FBRSL1: variants seen among roughly 807,000 people sequenced by gnomAD.
FBRSL1 encodes the protein fibrosin-1-like protein.
Under a neutral mutation model 89.6 loss-of-function variants are expected in FBRSL1, and 51 were observed. The observed-to-expected ratio is 0.57, with a 90% confidence interval of 0.45 to 0.72. The LOEUF (loss-of-function observed/expected upper bound fraction) is 0.72, where lower values mean the gene tolerates loss of function less well. FBRSL1 is among the 30% of genes least tolerant of loss of function. The pLI, the probability that FBRSL1 is intolerant of heterozygous loss-of-function variation, is 0.00. For synonymous variants in FBRSL1, 779 were observed against 681.1 expected, an observed-to-expected ratio of 1.14 and a Z score of -2.24; for missense variants, 1,618 against 1,451.8, an observed-to-expected ratio of 1.11 and a Z score of -1.86.
intron 4 of FBRSL1, among the ~76,000 whole-genome samples, chr12:132,528,927 G>A (rs1478122433): frequency 6.6e-6 from 1 of 152,174 alleles, no homozygotes; most frequent in Non-Finnish European, 1.5e-5. Context: ...TGGGAGGCTG[G>A]GCGCCGACCC....
chr12:132,512,099 GC>G, intron 2 of FBRSL1: 1 of 822,430 alleles, frequency 1.2e-6, no homozygotes. Flanking sequence ...TGACCTTCCT[GC>G]CCACCCATCT....
chr12:132,569,341 G>A (rs2039852487), intron 6 of FBRSL1, among the ~76,000 whole-genome samples: 2 of 152,168 alleles, frequency 1.3e-5, no homozygotes, highest in East Asian at 1.9e-4. Flanking sequence ...CACAGTAGGG[G>A]GAAGCCTCCC....
At chr12:132,510,487 C>G in intron 2 of FBRSL1, 2 of 1,231,968 alleles carry the variant, frequency 1.6e-6, no homozygotes, top group Non-Finnish European at 2.0e-6. Flanking sequence ...CCAGCCCACT[C>G]CAGTGTGATC....
chr12:132,541,402 G>A (rs1050847088), intron 4 of FBRSL1, among the ~76,000 whole-genome samples: 4 of 152,174 alleles, frequency 2.6e-5, no homozygotes, highest in Non-Finnish European at 5.9e-5. Context: ...CCCTGCCCAC[G>A]AGGGGCCAGC....
intron 2 of FBRSL1, among the ~76,000 whole-genome samples, chr12:132,512,956 G>A (rs1304070218): frequency 6.6e-6 from 1 of 152,214 alleles, no homozygotes; most frequent in African/African-American, 2.4e-5. Context: ...CGGTCGGGGT[G>A]CCGCCATGGG....
chr12:132,556,550 C>G (rs76616874), intron 5 of FBRSL1, among the ~76,000 whole-genome samples: 46 of 17,312 alleles, frequency 2.7e-3, no homozygotes, highest in Non-Finnish European at 4.2e-3. Flanking sequence ...GCTGCACCCC[C>G]CTCCACCCAC....
intron 2 of FBRSL1, among the ~76,000 whole-genome samples, chr12:132,523,106 C>T (rs2035503315): frequency 6.6e-6 from 1 of 152,102 alleles, no homozygotes. Flanking sequence ...CCCCCTCTGG[C>T]CCCAGACGTG....
intron 1 of FBRSL1, chr12:132,507,409 G>A (rs889390409): frequency 4.4e-5 from 43 of 985,498 alleles, no homozygotes; most frequent in Non-Finnish European, 4.7e-5. Context: ...GTGGTTTATC[G>A]AGTGTGGAGG....
intron 1 of FBRSL1, among the ~76,000 whole-genome samples, chr12:132,494,395 G>A (rs1205623949): frequency 6.6e-6 from 1 of 152,214 alleles, no homozygotes; most frequent in Admixed American, 6.5e-5. Context: ...ACATAGCAAA[G>A]GCCATCCTTA....
At chr12:132,566,781 G>A (rs925990002) in intron 5 of FBRSL1, among the ~76,000 whole-genome samples, 9 of 151,534 alleles carry the variant, frequency 5.9e-5, no homozygotes, top group African/African-American at 1.2e-4. Context: ...CACATAGCGC[G>A]GTGTCCTGTG....
chr12:132,560,917 C>T (rs1295062422), intron 5 of FBRSL1, among the ~76,000 whole-genome samples: 1 of 152,152 alleles, frequency 6.6e-6, no homozygotes, highest in Non-Finnish European at 1.5e-5. Context: ...CCTGGGGCTG[C>T]CACCCCATTT....
intron 4 of FBRSL1, among the ~76,000 whole-genome samples, chr12:132,529,436 A>C (rs527417263): frequency 2.0e-5 from 3 of 152,268 alleles, no homozygotes; most frequent in African/African-American, 7.2e-5. Context: ...GCTGGGTCAC[A>C]GCAGGGGCTC....
chr12:132,572,444 G>A (rs1036013137), intron 10 of FBRSL1, 83 bp from the exon 11 acceptor site: 12 of 1,501,286 alleles, frequency 8.0e-6, no homozygotes, highest in Non-Finnish European at 1.1e-5. Flanking sequence ...CGCCCCTGCT[G>A]CATTGGTGCC....
intron 1 of FBRSL1, among the ~76,000 whole-genome samples, chr12:132,498,919 C>G (rs1281306461): frequency 6.6e-6 from 1 of 152,224 alleles, no homozygotes; most frequent in African/African-American, 2.4e-5. Context: ...GCCGACAACC[C>G]CAGCCAGGTC....
intron 4 of FBRSL1, among the ~76,000 whole-genome samples, chr12:132,529,546 T>G (rs1295335248): frequency 6.6e-6 from 1 of 151,986 alleles, no homozygotes; most frequent in Non-Finnish European, 1.5e-5. Context: ...TCCTGGGCTC[T>G]TCTCTGCCAC....
Position 132,577,067 on chromosome 12 carries a change from TA to T in FBRSL1, c.1834+137del, listed in dbSNP as rs1411994013. 9 of 1,242,392 alleles carry T rather than the reference TA, an allele frequency of 7.2e-6. No individual in the cohort carries two copies. The African/African-American group carries it at 1.2e-4, about 17-fold the overall frequency. 77.0% of individuals were successfully genotyped at this position (1,242,392 alleles called of 1,614,324 possible). On this transcript the variant is annotated intron_variant, in intron 15 of 18. Transcript: ENST00000680143. ...CCTTTGCTTCTTGATGCTCACCACT[TA>T]TTCAGGTCAAAGCCTGGCAACTCCC...
chr12:132,513,246 C>T (rs1268923139), intron 2 of FBRSL1, among the ~76,000 whole-genome samples: 1 of 152,196 alleles, frequency 6.6e-6, no homozygotes, highest in African/African-American at 2.4e-5. Context: ...TGGCTCCCAT[C>T]ACAGGCAGCA....
At chr12:132,575,230 GTCTT>G (rs149509360) in intron 14 of FBRSL1, among the ~76,000 whole-genome samples, 5,029 of 152,290 alleles carry the variant, frequency 0.033, 141 homozygotes, top group African/African-American at 0.074. Flanking sequence ...AATGCTGTAT[GTCTT>G]TCTTTTTTTT....
chr12:132,546,621 G>A lies in FBRSL1; in HGVS notation c.616-1382G>A, dbSNP rs146684442. Among the ~76,000 whole-genome samples the A allele has an allele frequency of 4.6e-3, 692 of 152,010 alleles. 5 individuals are homozygous for A. The highest frequency in any genetic ancestry group is 0.016 in the African/African-American group (663 of 41,394). ...AGACCGGGGGGGACCCTAGGAGAGG[G>A]CTTGGCCACGGCTGAAAGGCCAGAC... is the stretch of plus-strand genomic sequence containing the variant. On this transcript the variant is annotated intron_variant, in intron 4 of 18. Coordinates refer to ENST00000680143, the MANE Select transcript of FBRSL1 (RefSeq NM_001367871.1). This position sits in a 1 kb window ranked among gnomAD's most constrained non-coding sequence, Gnocchi z 4.0.
Sources: gnomAD v4.1 joint callset for allele counts (sites outside exome capture counted in the v4.1 genomes callset) on GRCh38, gnomAD v4.1.1 for gene constraint, Gnocchi (gnomAD v3.1) non-coding constraint, MANE v1.5 for transcripts, NCBI Gene and HGNC (gene_info 2026-07-23, HGNC 2026-07-21) for gene names.